Variants in NCAM2 observed in about 807,000 individuals in gnomAD.
The protein encoded by NCAM2 is N-CAM-2.
Under a neutral mutation model 98.1 loss-of-function variants are expected in NCAM2, and 30 were observed. The ratio of observed to expected loss-of-function variants is 0.31; its 90% CI spans 0.23 to 0.41. NCAM2 has a LOEUF of 0.41. Among genes scored for constraint, NCAM2 ranks in the 10% least tolerant of loss-of-function variants. The pLI is 1.00. For synonymous variants in NCAM2, 368 were observed against 342.4 expected (o/e 1.07, Z -0.83); for missense variants, 867 against 1,005.8 (o/e 0.86, Z 1.87).
At chr21:21,386,910 C>T (rs2076281954) in intron 9 of NCAM2, among the ~76,000 whole-genome samples, 1 of 152,240 alleles carries the variant, frequency 6.6e-6, no homozygotes, top group Non-Finnish European at 1.5e-5. Flanking sequence ...GTCAGAAATA[C>T]TAAAGTCTAC....
intron 17 of NCAM2, among the ~76,000 whole-genome samples, chr21:21,535,389 T>G: frequency 6.6e-6 from 1 of 152,092 alleles, no homozygotes; most frequent in Non-Finnish European, 1.5e-5. Context: ...CCAAAAAAAC[T>G]TTTTAATTTT....
chr21:21,039,472 A>G (rs1412267167), intron 1 of NCAM2, among the ~76,000 whole-genome samples: 1 of 152,226 alleles, frequency 6.6e-6, no homozygotes, highest in Non-Finnish European at 1.5e-5. Context: ...CATAAAAATG[A>G]TAAATGCTCC....
rs549391825 is a variant in NCAM2, at chr21:21,330,098, C to A, written c.738-5407C>A. Reference sequence around the variant, plus strand: ...TATGCACATACTAATGTCAGTGAATCTGCTTTTGGCTTCACTTATTTCTTT... The same window carrying A: ...TATGCACATACTAATGTCAGTGAATATGCTTTTGGCTTCACTTATTTCTTT... On this transcript the variant is annotated intron_variant, in intron 6 of 17. Coordinates refer to ENST00000400546, the MANE Select transcript of NCAM2 (RefSeq NM_004540.5). Among the ~76,000 whole-genome samples the A allele has an allele frequency of 5.3e-5, 8 of 152,208 alleles. No homozygotes were observed. The South Asian group carries it at 1.7e-3, about 32-fold the overall frequency.
At chr21:21,324,295 G>A in intron 5 of NCAM2, 88 bp from the exon 6 acceptor site, 1 of 892,692 alleles carries the variant, frequency 1.1e-6, no homozygotes, top group Non-Finnish European at 1.7e-6. Flanking sequence ...GATGACATTT[G>A]AAAGCTTAAA....
chr21:21,335,351 GGC>G (rs1349461644), intron 6 of NCAM2, among the ~76,000 whole-genome samples, 152 bp from the exon 7 acceptor site: 3 of 151,994 alleles, frequency 2.0e-5, no homozygotes, highest in Non-Finnish European at 4.4e-5. Context: ...TAAGTTCTGA[GGC>G]TACTAAAAAT....
At chr21:21,062,404 G>A (rs1046067146) in intron 1 of NCAM2, among the ~76,000 whole-genome samples, 18 of 151,906 alleles carry the variant, frequency 1.2e-4, no homozygotes, top group African/African-American at 3.9e-4. Flanking sequence ...AATCATGAAA[G>A]TGATATTTGA....
intron 11 of NCAM2, among the ~76,000 whole-genome samples, chr21:21,421,697 T>A (rs1307832306): frequency 6.6e-6 from 1 of 152,146 alleles, no homozygotes; most frequent in Non-Finnish European, 1.5e-5. Context: ...AATTAAATAT[T>A]TCCTAATATA....
intron 10 of NCAM2, among the ~76,000 whole-genome samples, chr21:21,411,571 A>G (rs189928256): frequency 1.3e-4 from 20 of 152,270 alleles, no homozygotes; most frequent in African/African-American, 4.8e-4. Context: ...TTTCCGAAAC[A>G]TAAAAAAATC....
chr21:21,306,106 T>TA (rs1408747021), intron 5 of NCAM2, among the ~76,000 whole-genome samples: 1 of 152,164 alleles, frequency 6.6e-6, no homozygotes, highest in Admixed American at 6.6e-5. Context: ...TCAGAGAACA[T>TA]ACTATGATTT....
At chr21:21,015,743 C>T (rs1031278842) in intron 1 of NCAM2, among the ~76,000 whole-genome samples, 2 of 151,940 alleles carry the variant, frequency 1.3e-5, no homozygotes, top group Non-Finnish European at 2.9e-5. Context: ...CGCTCTTGTC[C>T]CCCAGGCTGG....
intron 1 of NCAM2, among the ~76,000 whole-genome samples, chr21:21,126,737 TA>T: frequency 6.6e-6 from 1 of 152,150 alleles, no homozygotes; most frequent in East Asian, 1.9e-4. Context: ...CAGAAACTGA[TA>T]ATCAAATAAA....
intron 1 of NCAM2, among the ~76,000 whole-genome samples, chr21:21,206,458 A>C (rs1016241286): frequency 1.3e-5 from 2 of 152,156 alleles, no homozygotes; most frequent in Non-Finnish European, 2.9e-5. Flanking sequence ...ATAATCCATG[A>C]TGCTGCTATG....
intron 8 of NCAM2, among the ~76,000 whole-genome samples, chr21:21,363,594 A>T (rs547305970): frequency 2.0e-5 from 3 of 152,238 alleles, no homozygotes; most frequent in African/African-American, 7.2e-5. Context: ...TAATGAAAAT[A>T]TCCATAGTGT....
intron 1 of NCAM2, among the ~76,000 whole-genome samples, chr21:21,244,284 A>G (rs547791735): frequency 1.6e-4 from 25 of 152,282 alleles, no homozygotes; most frequent in African/African-American, 4.8e-4. Context: ...AAATAGAAGT[A>G]ACAAGAATGT....
chr21:21,284,457 C>A, intron 3 of NCAM2, 57 bp downstream of exon 3: 9 of 1,304,640 alleles, frequency 6.9e-6, no homozygotes, highest in South Asian at 2.5e-5. Flanking sequence ...TATAAATAAC[C>A]GAAAAAATAA....
chr21:21,225,093 T>C (rs1248674015), intron 1 of NCAM2, among the ~76,000 whole-genome samples: 1 of 152,018 alleles, frequency 6.6e-6, no homozygotes, highest in Non-Finnish European at 1.5e-5. Context: ...AAGGAATAGA[T>C]CATGTTCTTT....
intron 1 of NCAM2, among the ~76,000 whole-genome samples, chr21:21,134,930 G>C (rs2067011909): frequency 6.6e-6 from 1 of 151,872 alleles, no homozygotes; most frequent in Admixed American, 6.6e-5. Flanking sequence ...ATGTTATCCA[G>C]ACTGGTTTAA....
intron 1 of NCAM2, among the ~76,000 whole-genome samples, chr21:21,094,234 G>A (rs1376471172): frequency 1.3e-5 from 2 of 151,850 alleles, no homozygotes; most frequent in African/African-American, 4.8e-5. Flanking sequence ...AAATTCAAAT[G>A]TTTGTCAGTC....
At chr21:21,432,637 G>C (rs1213166402) in intron 12 of NCAM2, among the ~76,000 whole-genome samples, 1 of 151,404 alleles carries the variant, frequency 6.6e-6, no homozygotes, top group Non-Finnish European at 1.5e-5. Context: ...TCAAGAATAG[G>C]TGTGAAAATG....
Sources: allele counts gnomAD v4.1 joint callset (sites outside exome capture counted in the v4.1 genomes callset), GRCh38; gene constraint gnomAD v4.1.1; transcripts MANE v1.5; gene names NCBI Gene and HGNC (gene_info 2026-07-23, HGNC 2026-07-21).